Variants in ITPRIP observed in about 807,000 individuals in gnomAD.
The protein encoded by ITPRIP is inositol 1,4,5-trisphosphate receptor interacting protein.
In ITPRIP, 32 loss-of-function variants were observed where a neutral mutation model predicts 35.8. That is an observed-to-expected ratio of 0.89 (90% CI 0.68 to 1.20). The LOEUF (loss-of-function observed/expected upper bound fraction) is 1.20, where lower values mean the gene tolerates loss of function less well. ITPRIP is among the 50% of genes most tolerant of loss of function. ITPRIP has a pLI of 0.00. For synonymous variants in ITPRIP, 358 were observed against 324.0 expected (o/e 1.11, Z -1.13); for missense variants, 653 against 735.6 (o/e 0.89, Z 1.30).
At chr10:104,317,384 G>A (rs2013718729) in intron 1 of ITPRIP, among the ~76,000 whole-genome samples, 1 of 152,110 alleles carries the variant, frequency 6.6e-6, no homozygotes, top group African/African-American at 2.4e-5. Flanking sequence ...AGTATCTCCT[G>A]GGAGCTTGTT....
rs1265531743 is a variant in ITPRIP, at chr10:104,316,077, A to G, written c.-13-13T>C. ...GGTTGGAGCTTTCCTGGGAACAGAG[A>G]GACAGATGGTCACACCAAGCTTCCC... On this transcript the variant is annotated splice_polypyrimidine_tract_variant and intron_variant, in intron 1 of 1. Transcript: ENST00000337478. 1 of 1,535,278 alleles carries G rather than the reference A, an allele frequency of 6.5e-7. No homozygotes were observed. Among genetic ancestry groups the G allele is most frequent in the African/African-American group, 1.4e-5 (1 of 72,720 alleles).
At chr10:104,316,121 T>A in intron 1 of ITPRIP, 57 bp from the exon 2 acceptor site, 5 of 1,408,682 alleles carry the variant, frequency 3.5e-6, no homozygotes, top group Non-Finnish European at 4.7e-6. Flanking sequence ...ACTTCGTCCC[T>A]GGGCCCCGCA....
In ITPRIP at chr10:104,312,833, C is replaced by T. The variant is rs1162090405; in HGVS notation, c.*1575G>A. The T allele has an allele frequency of 3.0e-6, 3 of 985,256 alleles. No homozygotes were observed. The highest frequency in any genetic ancestry group is 1.1e-4 in the East Asian group (1 of 8,816). 61.0% of individuals were successfully genotyped at this position (985,256 alleles called of 1,614,324 possible). A position where few individuals can be genotyped will look rare whatever the true frequency, so the allele number is the denominator to read the frequency against. On this transcript the variant is annotated 3_prime_UTR_variant, in exon 2 of 2. Coordinates refer to ENST00000337478, the MANE Select transcript of ITPRIP (RefSeq NM_001272013.2). ...GGGCACCCCTGTCAAGTTGGTTATGCTCTCGGGAAGGCATGGCCGGCTTAA... is the reference window on the plus strand; with the variant it reads ...GGGCACCCCTGTCAAGTTGGTTATGTTCTCGGGAAGGCATGGCCGGCTTAA...
rs1438991892 is a variant in ITPRIP at position 104,338,244 on chromosome 10, AC to A, written c.-14+1del. 6.5e-6 allele frequency: 1 copy of A among 153,128 alleles called. No homozygotes were observed. Among genetic ancestry groups the A allele is most frequent in the Non-Finnish European group, 1.5e-5 (1 of 68,324 alleles). The allele number at this position is 153,128 out of a possible 1,614,324, so 9.5% of individuals were successfully genotyped here. ...AGCACACTAGGCTGCCCTGGGACTT[AC>A]GATTGGCTTGGGTCCCCGGTCCCGG... On this transcript the variant is annotated splice_donor_variant, in intron 1 of 1. Coordinates refer to ENST00000337478, the MANE Select transcript of ITPRIP (RefSeq NM_001272013.2). LOFTEE classifies it low-confidence loss of function (5UTR_SPLICE).
At position 104,314,687 on chromosome 10, in the gene ITPRIP, G is replaced by A. The variant is rs543565304; in HGVS notation, c.1365C>T (p.Asp455=). 1.4e-5 allele frequency: 23 copies of A among 1,613,818 alleles called. No homozygotes were observed. The East Asian group carries it at 1.8e-4, about 13-fold the overall frequency. Residue 455 remains aspartate, a synonymous_variant, in exon 2 of 2, where the codon GAC becomes GAT. Transcript: ENST00000337478. ...AGCACAGCAACTCGTGCAGACGAGC[G>A]TCCAGCTGCCCCGCCTTCCAGTCGG... ...QAADWKAGQL[D]ARLHELLCFL...
At chr10:104,322,212 C>T (rs1276322411) in intron 1 of ITPRIP, among the ~76,000 whole-genome samples, 1 of 152,178 alleles carries the variant, frequency 6.6e-6, no homozygotes, top group African/African-American at 2.4e-5. Flanking sequence ...TTCACCTCCT[C>T]CTCTCCTTCC....
Position 104,313,949 on chromosome 10 carries a change from G to C in ITPRIP, c.*459C>G, listed in dbSNP as rs1169382708. The C allele has an allele frequency of 1.0e-6, 1 of 991,502 alleles. No individual in the cohort carries two copies. The highest frequency in any genetic ancestry group is 1.2e-6 in the Non-Finnish European group (1 of 833,842). The allele number at this position is 991,502 out of a possible 1,614,324, so 61.4% of individuals were successfully genotyped here. A position where few individuals can be genotyped will look rare whatever the true frequency, so the allele number is the denominator to read the frequency against. On this transcript the variant is annotated 3_prime_UTR_variant, in exon 2 of 2. Transcript: ENST00000337478. ...CCTGTTAGTGCTTTGGCTGCAGATG[G>C]TCAGGCCAGAAGCTCCTGGGAATAG... is the stretch of plus-strand genomic sequence containing the variant.
intron 1 of ITPRIP, among the ~76,000 whole-genome samples, chr10:104,324,830 C>A (rs935983465): frequency 2.0e-5 from 3 of 152,122 alleles, no homozygotes; most frequent in Non-Finnish European, 2.9e-5. Context: ...ATGACAAGAT[C>A]TTTTTTTTCC....
intron 1 of ITPRIP, among the ~76,000 whole-genome samples, chr10:104,325,129 A>C (rs915876049): frequency 2.0e-5 from 3 of 152,220 alleles, no homozygotes; most frequent in African/African-American, 7.2e-5. Context: ...CTTAGGTGTG[A>C]GGATTGCTTG....
intron 1 of ITPRIP, among the ~76,000 whole-genome samples, chr10:104,336,518 T>G: frequency 7.0e-6 from 1 of 143,278 alleles, no homozygotes; most frequent in Non-Finnish European, 1.5e-5. Context: ...CAGCGGGGCA[T>G]TGGGGGGTAG....
chr10:104,330,131 G>C (rs1393785773), intron 1 of ITPRIP, among the ~76,000 whole-genome samples: 1 of 152,208 alleles, frequency 6.6e-6, no homozygotes, highest in East Asian at 1.9e-4. Flanking sequence ...CTTCCATTAG[G>C]TTCTGAGTAC....
Position 104,314,348 on chromosome 10 carries a change from G to A in ITPRIP, c.*60C>T, listed in dbSNP as rs757839592. ...AACAGGGCTGGCAGATGCCACCAGGGGTGTGAACGTGAGGGATGCCCTCAT... is the reference window on the plus strand; with the variant it reads ...AACAGGGCTGGCAGATGCCACCAGGAGTGTGAACGTGAGGGATGCCCTCAT... On this transcript the variant is annotated 3_prime_UTR_variant, in exon 2 of 2. Transcript: ENST00000337478. The A allele has an allele frequency of 6.3e-4, 983 of 1,549,294 alleles. 1 individual carries two copies. Among genetic ancestry groups the A allele is most frequent in the Non-Finnish European group, 8.4e-4 (966 of 1,147,180 alleles).
Position 104,328,694 on chromosome 10 carries a change from G to A in ITPRIP, c.-14+9552C>T, listed in dbSNP as rs1463838007. Among the ~76,000 whole-genome samples, 1 of 151,888 alleles carries A rather than the reference G, an allele frequency of 6.6e-6. No individual in the cohort carries two copies. Among genetic ancestry groups the A allele is most frequent in the Non-Finnish European group, 1.5e-5 (1 of 67,996 alleles). ...ATGGATGGAATTAAATAAAGGGCCA[G>A]CACCCAGCAGCCACCTTCTGTTTGA... On this transcript the variant is annotated intron_variant, in intron 1 of 1. Coordinates refer to ENST00000337478, the MANE Select transcript of ITPRIP (RefSeq NM_001272013.2). The surrounding 1 kb of genome is among the most constrained non-coding windows in gnomAD (Gnocchi z 4.1).
chr10:104,327,695 A>C (rs563317883), intron 1 of ITPRIP, among the ~76,000 whole-genome samples: 134 of 152,272 alleles, frequency 8.8e-4, no homozygotes, highest in Non-Finnish European at 1.6e-3. Flanking sequence ...GGCTCTGTAG[A>C]TGCACCGGCA....
At position 104,314,378 on chromosome 10, in the gene ITPRIP, G is replaced by C. The variant is rs368486267; in HGVS notation, c.*30C>G. 25 of 1,578,882 alleles carry C rather than the reference G, an allele frequency of 1.6e-5. No individual in the cohort carries two copies. The African/African-American group carries it at 3.4e-4, about 21-fold the overall frequency. On this transcript the variant is annotated 3_prime_UTR_variant, in exon 2 of 2. Coordinates refer to ENST00000337478, the MANE Select transcript of ITPRIP (RefSeq NM_001272013.2). The stretch of plus-strand genomic sequence containing the variant: ...GAACGTGAGGGATGCCCTCATCTTA[G>C]CTCGAGGATCCCACATTCTGTAAAA...
Position 104,315,026 on chromosome 10 carries a change from C to A in ITPRIP, c.1026G>T (p.Lys342Asn), listed in dbSNP as rs765763980. 7.4e-6 allele frequency: 12 copies of A among 1,614,172 alleles called. No homozygotes were observed. In the South Asian group the frequency reaches 1.3e-4, roughly 18 times the overall value. The change falls in exon 2 of 2, where the codon AAG (lysine) becomes AAT (asparagine). Residue 342 changes from lysine to asparagine, a missense_variant. By Grantham distance (94) the Lys-to-Asn change is moderately conservative (BLOSUM62 0). Coordinates refer to ENST00000337478, the MANE Select transcript of ITPRIP (RefSeq NM_001272013.2). This position sits in a 1 kb window ranked among gnomAD's most constrained non-coding sequence, Gnocchi z 5.7. ...GSLKIKFRSG[K>N]FMPFNLIPVI... ...CAGGAATCAGGTTGAAGGGCATGAA[C>A]TTCCCTGAACGGAACTTGATCTTCA...
In ITPRIP at chr10:104,310,504, G is replaced by A. The variant is rs7923769; in HGVS notation, c.*3904C>T. 0.094 allele frequency: 14,327 copies of A among 151,980 alleles called. 1,512 individuals are homozygous for A. The highest frequency in any genetic ancestry group is 0.26 in the African/African-American group (10,761 of 41,354). 9.4% of individuals were successfully genotyped at this position (151,980 alleles called of 1,614,324 possible). A position where few individuals can be genotyped will look rare whatever the true frequency, so the allele number is the denominator to read the frequency against. ...ACGACTTCTCAGTATATGCCAACAT[G>A]TACACCAGGACTGCCTGGGTTGGAA... is the stretch of plus-strand genomic sequence containing the variant. On this transcript the variant is annotated 3_prime_UTR_variant, in exon 2 of 2. Coordinates refer to ENST00000337478, the MANE Select transcript of ITPRIP (RefSeq NM_001272013.2).
At chr10:104,336,346 A>C (rs1010461313) in intron 1 of ITPRIP, among the ~76,000 whole-genome samples, 5 of 152,036 alleles carry the variant, frequency 3.3e-5, no homozygotes, top group Non-Finnish European at 7.4e-5. Flanking sequence ...GAACACTTGG[A>C]GCACCCACCC....
At position 104,312,619 on chromosome 10, in the gene ITPRIP, G is replaced by A. The variant is rs1251311976; in HGVS notation, c.*1789C>T. On this transcript the variant is annotated 3_prime_UTR_variant, in exon 2 of 2. Transcript: ENST00000337478. ...TAGGGAGAGGCAGGCCCAAGCACAT[G>A]TTCAGTCTAATTCCAGCTCACACTG... is the stretch of plus-strand genomic sequence containing the variant. 3 of 985,328 alleles carry A rather than the reference G, an allele frequency of 3.0e-6. No individual in the cohort carries two copies. Among genetic ancestry groups the A allele is most frequent in the Non-Finnish European group, 3.6e-6 (3 of 829,970 alleles). 61.0% of individuals were successfully genotyped at this position (985,328 alleles called of 1,614,324 possible). A position where few individuals can be genotyped will look rare whatever the true frequency, so the allele number is the denominator to read the frequency against.
Sources: allele counts gnomAD v4.1 joint callset (sites outside exome capture counted in the v4.1 genomes callset), GRCh38; gene constraint gnomAD v4.1.1; non-coding constraint Gnocchi (gnomAD v3.1); transcripts MANE v1.5; gene names NCBI Gene and HGNC (gene_info 2026-07-23, HGNC 2026-07-21).